Variants in CACNA1I observed in about 807,000 individuals in gnomAD.
The protein encoded by CACNA1I is voltage-dependent T-type calcium channel subunit alpha-1I.
Under a neutral mutation model 201.6 loss-of-function variants are expected in CACNA1I, and 74 were observed. That is an observed-to-expected ratio of 0.37 (90% CI 0.30 to 0.45). CACNA1I has a LOEUF of 0.45. Ranked by LOEUF, CACNA1I falls within the 20% of genes least tolerant of loss-of-function variation. The pLI, the probability that CACNA1I is intolerant of heterozygous loss-of-function variation, is 1.00. For synonymous variants in CACNA1I, 1,431 were observed against 1,345.2 expected, an observed-to-expected ratio of 1.06 and a Z score of -1.40; for missense variants, 2,346 against 3,138.1, an observed-to-expected ratio of 0.75 and a Z score of 6.03.
chr22:39,581,737 A>T (rs1932556210), intron 1 of CACNA1I, among the ~76,000 whole-genome samples: 1 of 152,222 alleles, frequency 6.6e-6, no homozygotes, highest in South Asian at 2.1e-4. Context: ...AGAGACAAAT[A>T]GCCTCATTTA....
chr22:39,583,793 C>T (rs1305125217), intron 1 of CACNA1I, among the ~76,000 whole-genome samples: 1 of 152,258 alleles, frequency 6.6e-6, no homozygotes, highest in African/African-American at 2.4e-5. Flanking sequence ...TTGTATCTGG[C>T]TTATTCTCCT....
rs1206142207 is a variant in CACNA1I, at chr22:39,662,144, G to A, written c.3081G>A (p.Pro1027=). The stretch of plus-strand genomic sequence containing the variant: ...AGGTTGCCGCGGACGAGGGGCCGCC[G>A]CGGGCCGCACCCCTGCACACCCCAC... The part of the protein sequence containing the change: ...VCEVAADEGP[P]RAAPLHTPHA... Residue 1027 remains proline (P), a synonymous_variant, in exon 17 of 37, where the codon CCG becomes CCA. Transcript: ENST00000402142. The A allele has an allele frequency of 6.6e-7, 1 of 1,525,752 alleles. No individual in the cohort carries two copies. Among genetic ancestry groups the A allele is most frequent in the Non-Finnish European group, 8.8e-7 (1 of 1,140,366 alleles). The allele number at this position is 1,525,752 out of a possible 1,614,324, so 94.5% of individuals were successfully genotyped here.
chr22:39,670,277 T>C (rs770064506), intron 25 of CACNA1I, 47 bp downstream of exon 25: 2 of 1,580,900 alleles, frequency 1.3e-6, no homozygotes, highest in Non-Finnish European at 8.6e-7. Flanking sequence ...CTCTAAGCCC[T>C]TCTGCCTGGG....
At chr22:39,595,395 G>A (rs373556264) in intron 1 of CACNA1I, among the ~76,000 whole-genome samples, 6 of 151,856 alleles carry the variant, frequency 4.0e-5, no homozygotes, top group Non-Finnish European at 7.4e-5. Flanking sequence ...AGGCCGAGGC[G>A]GGTGGATCAC....
intron 3 of CACNA1I, among the ~76,000 whole-genome samples, chr22:39,601,915 C>CTCCCTCCCTCCT (rs1933057703): frequency 1.2e-4 from 4 of 33,044 alleles, no homozygotes; most frequent in Non-Finnish European, 2.0e-4. Flanking sequence ...CCCTCCCTCC[C>CTCCCTCCCTCCT]TCCTTCCTTC....
In CACNA1I at chr22:39,679,414, G is replaced by A. The variant is rs995535640; in HGVS notation, c.5363G>A (p.Gly1788Asp). Residue 1788 changes from glycine (G) to aspartate (D), a missense_variant, in exon 32 of 37, where the codon GGC becomes GAC. This residue lies in a region of CACNA1I where 441 missense variants were observed against 555.6 expected (regional missense o/e 0.79). Transcript: ENST00000402142. ...GAGGGGDTEG[G>D]LCRRCYSPAQ... ...GGCGGCGGGGGCGACACCGAGGGCG[G>A]CTTGTGCCGGCGCTGCTACTCGCCT... 357 of 1,434,496 alleles carry A rather than the reference G, an allele frequency of 2.5e-4. No individual in the cohort carries two copies. Among genetic ancestry groups the A allele is most frequent in the Non-Finnish European group, 3.1e-4 (348 of 1,107,000 alleles). The allele number at this position is 1,434,496 out of a possible 1,614,324, so 88.9% of individuals were successfully genotyped here. A position where few individuals can be genotyped will look rare whatever the true frequency, so the allele number is the denominator to read the frequency against.
chr22:39,658,698 A>C (rs1203461839), intron 11 of CACNA1I, among the ~76,000 whole-genome samples: 1 of 152,162 alleles, frequency 6.6e-6, no homozygotes, highest in Non-Finnish European at 1.5e-5. Flanking sequence ...ATATCCATGG[A>C]CCTCCGGATT....
chr22:39,628,355 T>C (rs1190527138), intron 4 of CACNA1I, among the ~76,000 whole-genome samples: 2 of 151,550 alleles, frequency 1.3e-5, no homozygotes, highest in Admixed American at 1.3e-4. Flanking sequence ...TGGGAAAGGG[T>C]GCCTACCTGG....
chr22:39,617,384 T>A (rs1933571422), intron 3 of CACNA1I, among the ~76,000 whole-genome samples: 1 of 152,112 alleles, frequency 6.6e-6, no homozygotes, highest in Non-Finnish European at 1.5e-5. Context: ...CTGAGGGGGT[T>A]CCCAGCTCTC....
chr22:39,634,467 C>T, intron 4 of CACNA1I, 98 bp from the exon 5 acceptor site: 1 of 1,155,784 alleles, frequency 8.7e-7, no homozygotes, highest in Non-Finnish European at 1.3e-6. Context: ...ATAATGCATC[C>T]CCCTCCCCCT....
chr22:39,641,921 A>G (rs1253401837), intron 6 of CACNA1I, among the ~76,000 whole-genome samples: 4 of 152,182 alleles, frequency 2.6e-5, no homozygotes, highest in Non-Finnish European at 5.9e-5. Context: ...ATTGTTAAGA[A>G]TAAAGCAGAT....
rs60124986 is a variant in CACNA1I, at chr22:39,678,121, G to C, written c.5055+13G>C. 3 of 1,608,578 alleles carry C rather than the reference G, an allele frequency of 1.9e-6. No homozygotes were observed. The highest frequency in any genetic ancestry group is 1.1e-5 in the South Asian group (1 of 90,318). ...CGGGATCATGAAGGTACTCCTGGGC[G>C]GGCTGGGGTGGAGAAATCAGCCAGG... is the stretch of plus-strand genomic sequence containing the variant. On this transcript the variant is annotated intron_variant, in intron 31 of 36. Coordinates refer to ENST00000402142, the MANE Select transcript of CACNA1I (RefSeq NM_021096.4).
rs1468871747 is a variant in CACNA1I at position 39,684,256 on chromosome 22, T to G, written c.5831-46T>G. ...ATGCCACCTTCCAGGGGCTGCCCCC[T>G]GGCCTGAGCGTGCTCCCTCAGCTCT... On this transcript the variant is annotated intron_variant, in intron 35 of 36. Transcript: ENST00000402142. This position sits in a 1 kb window ranked among gnomAD's most constrained non-coding sequence, Gnocchi z 4.6. 6.3e-7 allele frequency: 1 copy of G among 1,575,834 alleles called. No individual in the cohort carries two copies. Among genetic ancestry groups the G allele is most frequent in the Non-Finnish European group, 8.7e-7 (1 of 1,150,902 alleles).
intron 1 of CACNA1I, among the ~76,000 whole-genome samples, chr22:39,586,039 A>G (rs1485554313): frequency 3.3e-5 from 5 of 152,010 alleles, no homozygotes; most frequent in Non-Finnish European, 7.4e-5. Flanking sequence ...TTAGCCAGGC[A>G]TGGTGGCATG....
Position 39,679,198 on chromosome 22 carries a change from C to G in CACNA1I, c.5147C>G (p.Thr1716Ser). 6.3e-7 allele frequency: 1 copy of G among 1,591,936 alleles called. No individual in the cohort carries two copies. The highest frequency in any genetic ancestry group is 8.5e-7 in the Non-Finnish European group (1 of 1,170,246). Residue 1716 changes from threonine (T) to serine (S), a missense_variant, in exon 32 of 37, where the codon ACC (threonine) becomes AGC (serine). This residue lies in a region of CACNA1I where 64 missense variants were observed against 131.8 expected (regional missense o/e 0.49). Coordinates refer to ENST00000402142, the MANE Select transcript of CACNA1I (RefSeq NM_021096.4). ...SPLYFVSFVLTAQFVLINVVV... is the reference protein window; with the variant it reads ...SPLYFVSFVLSAQFVLINVVV... The stretch of plus-strand genomic sequence containing the variant: ...CTGTACTTCGTGAGCTTCGTGCTCA[C>G]CGCGCAGTTCGTGCTCATCAACGTG...
chr22:39,661,875 A>AGGTGGGTGGT lies in CACNA1I; in HGVS notation c.2902-90_2902-89insGGTGGGTGGT, dbSNP rs1935021817. ...TGGCCAGGTGGGTGGTCTTAGAGCC[A>AGGTGGGTGGT]CAGCGGGGGTGCAGGCTGCCTTTGG... is the stretch of plus-strand genomic sequence containing the variant. On this transcript the variant is annotated intron_variant, in intron 16 of 36. Transcript: ENST00000402142. 3.7e-6 allele frequency: 3 copies of AGGTGGGTGGT among 818,762 alleles called. No homozygotes were observed. In the South Asian group the frequency reaches 5.7e-5, roughly 15 times the overall value. 50.7% of individuals were successfully genotyped at this position (818,762 alleles called of 1,614,324 possible).
chr22:39,634,653 T>C lies in CACNA1I; in HGVS notation c.669T>C (p.Phe223=). 1.9e-6 allele frequency: 3 copies of C among 1,613,956 alleles called. No individual in the cohort carries two copies. The highest frequency in any genetic ancestry group is 2.5e-6 in the Non-Finnish European group (3 of 1,179,868). Residue 223 remains phenylalanine (F), a synonymous_variant, in exon 5 of 37, where the codon TTT becomes TTC. Transcript: ENST00000402142. ...LLLCFFVFFI[F]GIIGVQLWAG... is the part of the protein sequence containing the mutation. ...TCTGCTTCTTTGTCTTCTTCATCTT[T>C]GGCATCATAGGTGTGCAGCTCTGGG...
At position 39,664,007 on chromosome 22, in the gene CACNA1I, C is replaced by T. The variant is rs1223759698; in HGVS notation, c.3598-84C>T. On this transcript the variant is annotated intron_variant, in intron 19 of 36. Coordinates refer to ENST00000402142, the MANE Select transcript of CACNA1I (RefSeq NM_021096.4). Reference sequence around the variant, plus strand: ...CTGAGAGGTGGCAGCCTCTCCTCTACGAACCTTGGCCAAAGCAGCGGCTGG... The same window carrying T: ...CTGAGAGGTGGCAGCCTCTCCTCTATGAACCTTGGCCAAAGCAGCGGCTGG... 9.8e-6 allele frequency: 15 copies of T among 1,536,236 alleles called. No homozygotes were observed. In the African/African-American group the frequency reaches 1.1e-4, roughly 11 times the overall value.
chr22:39,588,531 G>T (rs571371884), intron 1 of CACNA1I, among the ~76,000 whole-genome samples: 1 of 151,576 alleles, frequency 6.6e-6, no homozygotes, highest in African/African-American at 2.4e-5. Context: ...GACTACAGGC[G>T]CCCACCACCA....
Sources: allele counts gnomAD v4.1 joint callset (sites outside exome capture counted in the v4.1 genomes callset), GRCh38; gene constraint gnomAD v4.1.1; regional missense constraint gnomAD v4.1.1; non-coding constraint Gnocchi (gnomAD v3.1); transcripts MANE v1.5; gene names NCBI Gene and HGNC (gene_info 2026-07-23, HGNC 2026-07-21).